PPFIBP2: variants seen among roughly 807,000 people sequenced by gnomAD.
The protein encoded by PPFIBP2 is liprin-beta-2.
A neutral mutation model predicts 118.3 loss-of-function variants in PPFIBP2; 118 were observed. The ratio of observed to expected loss-of-function variants is 1.00; its 90% CI spans 0.86 to 1.16. The LOEUF is 1.16. PPFIBP2 is among the 50% of genes most tolerant of loss of function. The pLI is 0.00. For missense variants in PPFIBP2, 1,195 were observed against 1,073.1 expected (o/e 1.11, Z -1.59); for synonymous variants, 414 against 397.4 (o/e 1.04, Z -0.50).
At chr11:7,561,739 C>A (rs1854319064) in intron 2 of PPFIBP2, among the ~76,000 whole-genome samples, 2 of 152,206 alleles carry the variant, frequency 1.3e-5, no homozygotes, top group Admixed American at 1.3e-4. Context: ...ACATAAATTA[C>A]CCCAAACATA....
rs1176828349 is a variant in PPFIBP2, at chr11:7,649,580, A to C, written c.2047A>C (p.Ile683Leu). 5 of 1,614,106 alleles carry C rather than the reference A, an allele frequency of 3.1e-6. No individual in the cohort carries two copies. Among genetic ancestry groups the C allele is most frequent in the Non-Finnish European group, 4.2e-6 (5 of 1,180,050 alleles). ...CACCAGCCAACTACATCATCTCAGC[A>C]TCAAATGTGCCATTCACGTGCTGCA... ...KVTSQLHHLS[I>L]KCAIHVLHVN... The change falls in exon 21 of 24, where the codon ATC (isoleucine) becomes CTC (leucine). Residue 683 changes from isoleucine (I) to leucine (L), a missense_variant. By Grantham distance (5) the Ile-to-Leu change is conservative. Coordinates refer to ENST00000299492, the MANE Select transcript of PPFIBP2 (RefSeq NM_003621.5).
intron 1 of PPFIBP2, among the ~76,000 whole-genome samples, chr11:7,518,179 G>C (rs1016790315): frequency 3.3e-5 from 5 of 152,316 alleles, no homozygotes; most frequent in African/African-American, 1.2e-4. Flanking sequence ...AAATTAAGAA[G>C]GTCTTGTTGT....
At chr11:7,615,727 G>T (rs545717354) in intron 6 of PPFIBP2, among the ~76,000 whole-genome samples, 18 of 152,152 alleles carry the variant, frequency 1.2e-4, no homozygotes, top group Non-Finnish European at 2.5e-4. Flanking sequence ...AGGAGAAACT[G>T]GTTTATGAAG....
At chr11:7,633,856 T>C (rs762344157) in intron 12 of PPFIBP2, among the ~76,000 whole-genome samples, 21 of 152,200 alleles carry the variant, frequency 1.4e-4, no homozygotes, top group Admixed American at 2.6e-4. Flanking sequence ...CTTACTCGTA[T>C]AATCTGAGAA....
intron 1 of PPFIBP2, among the ~76,000 whole-genome samples, chr11:7,519,276 AG>A (rs1270483768): frequency 6.6e-6 from 1 of 152,124 alleles, no homozygotes; most frequent in Admixed American, 6.5e-5. Flanking sequence ...ACGGGGAAAA[AG>A]AGGTATGGTC....
the PPFIBP2 span, chr11:7,665,487 G>C: frequency 6.2e-7 from 1 of 1,613,960 alleles, no homozygotes; most frequent in Non-Finnish European, 8.5e-7. Context: ...GACTTCGCTG[G>C]AGGAGGAAGG....
downstream of PPFIBP2, among the ~76,000 whole-genome samples, chr11:7,661,062 C>T (rs1355958115): frequency 6.6e-6 from 1 of 151,990 alleles, no homozygotes; most frequent in Admixed American, 6.5e-5. Context: ...GTTTTGCTAG[C>T]AGTCTATCAA....
At chr11:7,539,443 G>A (rs1229232900) in intron 1 of PPFIBP2, 28 of 152,502 alleles carry the variant, frequency 1.8e-4, no homozygotes, top group Admixed American at 1.8e-3. Context: ...ACCTCTGGAT[G>A]TTATAGGACC....
intron 5 of PPFIBP2, among the ~76,000 whole-genome samples, chr11:7,607,447 C>G (rs968296302): frequency 6.6e-6 from 1 of 151,938 alleles, no homozygotes; most frequent in Non-Finnish European, 1.5e-5. Context: ...TCTCAAACTC[C>G]TGGGGCTCAA....
At chr11:7,607,035 C>G (rs1317184736) in intron 5 of PPFIBP2, among the ~76,000 whole-genome samples, 1 of 150,098 alleles carries the variant, frequency 6.7e-6, no homozygotes. Context: ...CTCAGCCTCC[C>G]CAGTAGCTGG....
chr11:7,572,535 A>G (rs946614050), intron 3 of PPFIBP2, among the ~76,000 whole-genome samples: 4 of 152,202 alleles, frequency 2.6e-5, no homozygotes, highest in Non-Finnish European at 2.9e-5. Context: ...CTTCCCCACT[A>G]TATTTCCTGC....
chr11:7,529,026 C>G (rs1850457903), intron 1 of PPFIBP2, among the ~76,000 whole-genome samples: 3 of 152,030 alleles, frequency 2.0e-5, no homozygotes. Flanking sequence ...TTTCCTCAGC[C>G]TGGAGAGAAA....
At chr11:7,630,140 C>T (rs542136863) in intron 10 of PPFIBP2, among the ~76,000 whole-genome samples, 1 of 152,350 alleles carries the variant, frequency 6.6e-6, no homozygotes, top group African/African-American at 2.4e-5. Context: ...GGGCTCCCAT[C>T]ATAGATCCTG....
downstream of PPFIBP2, among the ~76,000 whole-genome samples, chr11:7,660,602 A>C (rs1854869610): frequency 6.6e-6 from 1 of 150,584 alleles, no homozygotes; most frequent in Non-Finnish European, 1.5e-5. Context: ...ATTGGTCTAA[A>C]ATTCTCTTTT....
At chr11:7,546,491 C>T (rs1852344151) in intron 1 of PPFIBP2, among the ~76,000 whole-genome samples, 1 of 152,148 alleles carries the variant, frequency 6.6e-6, no homozygotes, top group African/African-American at 2.4e-5. Context: ...GTTGCGGGGG[C>T]ACATAGCCTG....
At chr11:7,594,411 A>T (rs1369841821) in intron 4 of PPFIBP2, among the ~76,000 whole-genome samples, 1 of 152,216 alleles carries the variant, frequency 6.6e-6, no homozygotes, top group Non-Finnish European at 1.5e-5. Context: ...AACTTGTGAG[A>T]TGCTGGTTTT....
At chr11:7,655,935 CAG>C (rs1483708505), downstream of PPFIBP2, among the ~76,000 whole-genome samples, 4 of 152,146 alleles carry the variant, frequency 2.6e-5, no homozygotes, top group African/African-American at 7.2e-5. Context: ...GTGGGTATCA[CAG>C]AGTGTTGACA....
chr11:7,578,301 T>A (rs1397685805), intron 3 of PPFIBP2, among the ~76,000 whole-genome samples: 1 of 152,216 alleles, frequency 6.6e-6, no homozygotes. Context: ...TTAAATTGGC[T>A]AAGATAGGTA....
chr11:7,629,425 G>A, intron 9 of PPFIBP2, 34 bp from the exon 10 acceptor site: 1 of 1,593,628 alleles, frequency 6.3e-7, no homozygotes, highest in Non-Finnish European at 8.6e-7. Context: ...TGCCAGCATA[G>A]CATTAATCTA....
Sources: allele counts gnomAD v4.1 joint callset (sites outside exome capture counted in the v4.1 genomes callset), GRCh38; gene constraint gnomAD v4.1.1; transcripts MANE v1.5; gene names NCBI Gene and HGNC (gene_info 2026-07-23, HGNC 2026-07-21).